The following PRELID2 variants were observed in gnomAD, a reference collection of about 807,000 sequenced individuals.
PRELID2 encodes the protein PRELI domain-containing protein 2.
A neutral mutation model predicts 28.4 loss-of-function variants in PRELID2; 25 were observed. The ratio of observed to expected loss-of-function variants is 0.88; its 90% CI spans 0.64 to 1.23. The LOEUF is 1.23. Ranked by LOEUF, PRELID2 falls within the 50% of genes most tolerant of loss-of-function variation. The pLI, the probability that PRELID2 is intolerant of heterozygous loss-of-function variation, is 0.00. For synonymous variants in PRELID2, 76 were observed against 71.6 expected (o/e 1.06, Z -0.31); for missense variants, 201 against 214.4 (o/e 0.94, Z 0.39).
At chr5:145,344,557 C>A in the PRELID2 span, among the ~76,000 whole-genome samples, 1 of 152,002 alleles carries the variant, frequency 6.6e-6, no homozygotes, top group Non-Finnish European at 1.5e-5. Context: ...ACTTTGCACA[C>A]GTTTCCACAT....
At chr5:145,244,732 A>C in the PRELID2 span, among the ~76,000 whole-genome samples, 1 of 152,114 alleles carries the variant, frequency 6.6e-6, no homozygotes, top group African/African-American at 2.4e-5. Flanking sequence ...CAAATATGTA[A>C]AATTTAATAT....
the PRELID2 span, among the ~76,000 whole-genome samples, chr5:145,435,257 T>G: frequency 6.6e-6 from 1 of 152,142 alleles, no homozygotes; most frequent in African/African-American, 2.4e-5. Context: ...TTGAACTCAC[T>G]AGGTCAGGAG....
the PRELID2 span, among the ~76,000 whole-genome samples, chr5:145,247,363 T>C: frequency 2.6e-5 from 4 of 152,092 alleles, no homozygotes; most frequent in Non-Finnish European, 5.9e-5. Context: ...CTCTTTTCCA[T>C]GACAATTCCC....
At chr5:145,702,060 A>T (rs189970305) in intron 1 of PRELID2, among the ~76,000 whole-genome samples, 2,021 of 145,824 alleles carry the variant, frequency 0.014, 27 homozygotes, top group African/African-American at 0.03. Context: ...AGGAAAAAAA[A>T]AAATATATAT....
rs148194664 is a variant in PRELID2 at position 145,713,350 on chromosome 5, TTA to T, written n.70+51579_70+51580del. Among the ~76,000 whole-genome samples, 126 of 124,560 alleles carry T rather than the reference TTA, an allele frequency of 1.0e-3. 1 individual carries two copies. The highest frequency in any genetic ancestry group is 2.7e-3 in the African/African-American group (86 of 32,108). 81.7% of individuals were successfully genotyped at this position (124,560 alleles called of 152,430 possible). ...AGAACTCTAAGAATGATATCTGACT[TTA>T]TATATATATATATATATACTTTACA... On this transcript the variant is annotated intron_variant and non_coding_transcript_variant, in intron 1 of 2. Coordinates refer to the PRELID2 transcript ENST00000510259.
the PRELID2 span, among the ~76,000 whole-genome samples, chr5:145,316,586 A>G: frequency 6.6e-6 from 1 of 152,210 alleles, no homozygotes; most frequent in Non-Finnish European, 1.5e-5. Flanking sequence ...GCTAAACAAA[A>G]GGACTAAGAC....
the PRELID2 span, among the ~76,000 whole-genome samples, chr5:145,255,777 T>C: frequency 1.3e-5 from 2 of 151,760 alleles, no homozygotes; most frequent in Non-Finnish European, 2.9e-5. Context: ...CAAGACTCTG[T>C]CTCAAAAACT....
intron 1 of PRELID2, among the ~76,000 whole-genome samples, chr5:145,561,791 GCCTCTTATGGCC>G (rs1752927833): frequency 6.6e-6 from 1 of 152,132 alleles, no homozygotes; most frequent in Non-Finnish European, 1.5e-5. Context: ...TTGCATGAAT[GCCTCTTATGGCC>G]CCAGAATTAG....
At chr5:145,455,978 C>T in the PRELID2 span, among the ~76,000 whole-genome samples, 4 of 152,136 alleles carry the variant, frequency 2.6e-5, no homozygotes, top group African/African-American at 7.2e-5. Flanking sequence ...GGAGCCGCTC[C>T]TATTTGGCCA....
intron 1 of PRELID2, among the ~76,000 whole-genome samples, chr5:145,511,815 T>A (rs2126641455): frequency 6.6e-6 from 1 of 152,240 alleles, no homozygotes; most frequent in South Asian, 2.1e-4. Context: ...CACATGAACA[T>A]CCTCTATCTG....
chr5:145,692,834 C>T (rs1181188077), intron 1 of PRELID2, among the ~76,000 whole-genome samples: 1 of 152,140 alleles, frequency 6.6e-6, no homozygotes, highest in Non-Finnish European at 1.5e-5. Flanking sequence ...TTTACTTGCT[C>T]AGTTTTTGCC....
At chr5:145,281,687 C>A in the PRELID2 span, among the ~76,000 whole-genome samples, 525 of 152,260 alleles carry the variant, frequency 3.4e-3, 1 homozygote, top group African/African-American at 0.012. Flanking sequence ...AAGTAGAAAG[C>A]CTTGTTTGTA....
intron 1 of PRELID2, among the ~76,000 whole-genome samples, chr5:145,720,847 G>A (rs942994394): frequency 4.5e-4 from 68 of 151,908 alleles, no homozygotes; most frequent in African/African-American, 1.6e-3. Context: ...ATTGATTGTT[G>A]TATAGAAGCA....
chr5:145,703,792 T>C (rs1226702090), intron 1 of PRELID2: 1 of 152,132 alleles, frequency 6.6e-6, no homozygotes, highest in Non-Finnish European at 1.5e-5. Flanking sequence ...CCTGCACCTG[T>C]CCTCCACACC....
At chr5:145,522,170 A>G (rs1418063771) in intron 1 of PRELID2, among the ~76,000 whole-genome samples, 1 of 152,148 alleles carries the variant, frequency 6.6e-6, no homozygotes, top group Non-Finnish European at 1.5e-5. Context: ...TTAAGATAAA[A>G]TTTCTTTGTC....
chr5:145,233,807 T>C, the PRELID2 span, among the ~76,000 whole-genome samples: 1 of 152,184 alleles, frequency 6.6e-6, no homozygotes, highest in East Asian at 1.9e-4. Flanking sequence ...CAATGTCAGT[T>C]TCTTACAAGC....
intron 1 of PRELID2, among the ~76,000 whole-genome samples, chr5:145,633,339 T>G (rs1753956459): frequency 6.6e-6 from 1 of 152,178 alleles, no homozygotes; most frequent in Non-Finnish European, 1.5e-5. Context: ...ATCAAGTTAC[T>G]CACCAGCTAG....
At chr5:145,684,568 T>C (rs1460249730) in intron 1 of PRELID2, among the ~76,000 whole-genome samples, 2 of 152,240 alleles carry the variant, frequency 1.3e-5, no homozygotes, top group Admixed American at 6.5e-5. Context: ...TTAATCCTCA[T>C]AGTTGTTCTG....
At chr5:145,735,521 G>A (rs1215883651) in intron 1 of PRELID2, among the ~76,000 whole-genome samples, 1 of 152,104 alleles carries the variant, frequency 6.6e-6, no homozygotes, top group Admixed American at 6.6e-5. Flanking sequence ...CATAACTCAA[G>A]AAGTATACAG....
Sources: gnomAD v4.1 joint callset for allele counts (sites outside exome capture counted in the v4.1 genomes callset) on GRCh38, gnomAD v4.1.1 for gene constraint, MANE v1.5 for transcripts, NCBI Gene and HGNC (gene_info 2026-07-23, HGNC 2026-07-21) for gene names.